BACH1: variants seen among roughly 807,000 people sequenced by gnomAD.
BACH1 encodes the protein BTB domain and CNC homolog 1.
BACH1 carries 35 observed loss-of-function variants against 52.9 expected under a neutral mutation model. That is an observed-to-expected ratio of 0.66 (90% confidence interval 0.51 to 0.88). The LOEUF is 0.88. BACH1 is among the 40% of genes least tolerant of loss of function. The pLI, the probability that BACH1 is intolerant of heterozygous loss-of-function variation, is 0.00. For synonymous variants in BACH1, 321 were observed against 319.6 expected, an observed-to-expected ratio of 1.00 and a Z score of -0.05; for missense variants, 808 against 872.6, an observed-to-expected ratio of 0.93 and a Z score of 0.93.
chr21:29,315,099 A>G (rs2088771292), intron 1 of BACH1, among the ~76,000 whole-genome samples: 1 of 152,102 alleles, frequency 6.6e-6, no homozygotes, highest in African/African-American at 2.4e-5. Flanking sequence ...TTCTTATGGG[A>G]ATCTCCACCT....
intron 4 of BACH1, among the ~76,000 whole-genome samples, chr21:29,330,415 C>T (rs147066033): frequency 0.017 from 2,554 of 152,208 alleles, 76 homozygotes; most frequent in African/African-American, 0.059. Context: ...CTCCTGACCT[C>T]GTGATCTGCC....
downstream of BACH1, among the ~76,000 whole-genome samples, chr21:29,348,525 A>C (rs2089183898): frequency 6.6e-6 from 1 of 152,034 alleles, no homozygotes; most frequent in Admixed American, 6.6e-5. Context: ...GTAACTCACA[A>C]CTCGTGATCC....
chr21:29,314,752 A>G (rs1483493961), intron 1 of BACH1, among the ~76,000 whole-genome samples: 2 of 151,672 alleles, frequency 1.3e-5, no homozygotes, highest in African/African-American at 2.4e-5. Context: ...TTTGTTTCCC[A>G]TTTTCATTCA....
At chr21:29,300,096 A>G (rs1185541250) in intron 1 of BACH1, 1 of 152,182 alleles carries the variant, frequency 6.6e-6, no homozygotes, top group African/African-American at 2.4e-5. Context: ...GTAGTGGTGC[A>G]AGGGCTGGGC....
chr21:29,336,494 T>TA (rs1373700379), intron 4 of BACH1, among the ~76,000 whole-genome samples: 1 of 152,162 alleles, frequency 6.6e-6, no homozygotes, highest in Non-Finnish European at 1.5e-5. Context: ...TTGGGCACTT[T>TA]ATAATTATCC....
At chr21:29,352,839 G>C (rs1485287722) in intron 2 of BACH1, among the ~76,000 whole-genome samples, 1 of 151,894 alleles carries the variant, frequency 6.6e-6, no homozygotes, top group African/African-American at 2.4e-5. Flanking sequence ...AGCCTCCCAA[G>C]TAGCTGGGAC....
At chr21:29,360,715 C>G (rs1021302144) in intron 2 of BACH1, among the ~76,000 whole-genome samples, 1 of 151,946 alleles carries the variant, frequency 6.6e-6, no homozygotes, top group African/African-American at 2.4e-5. Context: ...TGTGGTGGCA[C>G]ACACCTGTAA....
chr21:29,330,278 C>A (rs1373116467), intron 4 of BACH1, among the ~76,000 whole-genome samples: 1 of 152,190 alleles, frequency 6.6e-6, no homozygotes, highest in Non-Finnish European at 1.5e-5. Context: ...CATTCTCCTG[C>A]CTCAGCCTCC....
chr21:29,301,061 A>C (rs2088597978), intron 1 of BACH1, among the ~76,000 whole-genome samples: 1 of 152,176 alleles, frequency 6.6e-6, no homozygotes, highest in Non-Finnish European at 1.5e-5. Context: ...TAGAGCTGGG[A>C]ATTTGGCCCT....
rs956034710 is a variant in BACH1, at chr21:29,298,965, G to C, written c.-61+12G>C. 3.0e-4 allele frequency: 45 copies of C among 151,954 alleles called. No homozygotes were observed. Among genetic ancestry groups the C allele is most frequent in the Admixed American group, 2.9e-3 (44 of 15,274 alleles). The allele number at this position is 151,954 out of a possible 1,614,324, so 9.4% of individuals were successfully genotyped here. On this transcript the variant is annotated intron_variant, in intron 1 of 4. Coordinates refer to ENST00000286800, the MANE Select transcript of BACH1 (RefSeq NM_001186.4). The stretch of plus-strand genomic sequence containing the variant: ...GCGCCTCAGCTCTGGTGAGTGGCTC[G>C]GCCGTCCCGCCGGCCCTTCTCCGGG...
chr21:29,358,323 A>G (rs2089247196), intron 2 of BACH1, among the ~76,000 whole-genome samples: 1 of 152,254 alleles, frequency 6.6e-6, no homozygotes, highest in Non-Finnish European at 1.5e-5. Flanking sequence ...AGCAACAGAC[A>G]TGGGCCTGCA....
chr21:29,309,646 G>A (rs993979701), intron 1 of BACH1, among the ~76,000 whole-genome samples: 3 of 152,134 alleles, frequency 2.0e-5, no homozygotes, highest in African/African-American at 7.2e-5. Context: ...GCAGACTTGT[G>A]CAATTTTAAT....
intron 4 of BACH1, among the ~76,000 whole-genome samples, chr21:29,332,074 A>C (rs1403378050): frequency 2.6e-5 from 4 of 152,066 alleles, no homozygotes; most frequent in Non-Finnish European, 4.4e-5. Flanking sequence ...CTGGGATTAC[A>C]GGCACGTGCC....
At position 29,342,809 on chromosome 21, in the gene BACH1, T is replaced by C. The variant is rs1174675511; in HGVS notation, c.2187T>C (p.Thr729=). Residue 729 remains threonine (T), a synonymous_variant, in exon 5 of 5, where the codon ACT becomes ACC. Coordinates refer to ENST00000286800, the MANE Select transcript of BACH1 (RefSeq NM_001186.4). Reference sequence around the variant, plus strand: ...TCTCAGATTTCTGTCAGCAGATGACTGATAAATGTACTACTGATGAGTAAA... The same window carrying C: ...TCTCAGATTTCTGTCAGCAGATGACCGATAAATGTACTACTGATGAGTAAA... The part of the protein sequence containing the change: ...GGISDFCQQM[T]DKCTTDE 1.2e-6 allele frequency: 2 copies of C among 1,605,944 alleles called. No individual in the cohort carries two copies. Among genetic ancestry groups the C allele is most frequent in the Non-Finnish European group, 1.7e-6 (2 of 1,174,062 alleles).
At chr21:29,310,096 TCTG>T (rs1285099052) in intron 1 of BACH1, among the ~76,000 whole-genome samples, 1 of 152,234 alleles carries the variant, frequency 6.6e-6, no homozygotes, top group Non-Finnish European at 1.5e-5. Flanking sequence ...TTGTGAAGAA[TCTG>T]CTAAGTTTTA....
intron 4 of BACH1, among the ~76,000 whole-genome samples, chr21:29,341,946 A>G (rs189544272): frequency 4.2e-4 from 64 of 152,350 alleles, no homozygotes; most frequent in African/African-American, 1.5e-3. Context: ...AATGCCATCC[A>G]TACCTGTTAT....
At chr21:29,338,042 C>T (rs2089066294) in intron 4 of BACH1, among the ~76,000 whole-genome samples, 1 of 151,930 alleles carries the variant, frequency 6.6e-6, no homozygotes, top group Non-Finnish European at 1.5e-5. Flanking sequence ...GCACATGTAC[C>T]CTAGAACTTA....
intron 4 of BACH1, among the ~76,000 whole-genome samples, chr21:29,330,955 T>TAA (rs940718844): frequency 6.9e-6 from 1 of 144,892 alleles, no homozygotes; most frequent in Non-Finnish European, 1.5e-5. Context: ...TGAGAGATGT[T>TAA]AAAAAAAAAA....
Position 29,334,136 on chromosome 21 carries a change from G to A in BACH1, c.1776+4443G>A, listed in dbSNP as rs73195603. On this transcript the variant is annotated intron_variant, in intron 4 of 4. Coordinates refer to ENST00000286800, the MANE Select transcript of BACH1 (RefSeq NM_001186.4). ...ATTTTTTTTTTTGAGGCAGAGTCTC[G>A]CTCTTTTCGCCCAGGCTGGAGGTCG... is the stretch of plus-strand genomic sequence containing the variant. 4.8e-3 allele frequency among the ~76,000 whole-genome samples: 722 copies of A among 149,460 alleles called. 9 individuals are homozygous for A. Among genetic ancestry groups the A allele is most frequent in the Non-Finnish European group, 5.1e-3 (344 of 67,504 alleles).
Sources: gnomAD v4.1 joint callset for allele counts (sites outside exome capture counted in the v4.1 genomes callset) on GRCh38, gnomAD v4.1.1 for gene constraint, MANE v1.5 for transcripts, NCBI Gene and HGNC (gene_info 2026-07-23, HGNC 2026-07-21) for gene names.